The following CEP290 variants were observed in gnomAD, a reference collection of about 807,000 sequenced individuals.
CEP290 encodes the protein centrosomal protein 290, also known as centrosomal protein of 290 kDa.
Under a neutral mutation model 344.9 loss-of-function variants are expected in CEP290, and 317 were observed. The observed-to-expected ratio is 0.92, with a 90% confidence interval of 0.84 to 1.01. CEP290 has a LOEUF of 1.01. Ranked by LOEUF, CEP290 falls within the 50% of genes least tolerant of loss-of-function variation. The pLI is 0.00. For missense variants in CEP290, 2,754 were observed against 2,761.4 expected (o/e 1.00, Z 0.06); for synonymous variants, 932 against 895.8 (o/e 1.04, Z -0.72).
intron 15 of CEP290, among the ~76,000 whole-genome samples, chr12:88,119,095 G>A (rs1165346572): frequency 7.2e-6 from 1 of 138,944 alleles, no homozygotes; most frequent in Non-Finnish European, 1.5e-5. Flanking sequence ...TTGATCAGAA[G>A]GCTGTGATCT....
At chr12:88,079,553 T>C (rs903079225) in intron 38 of CEP290, among the ~76,000 whole-genome samples, 3 of 152,220 alleles carry the variant, frequency 2.0e-5, no homozygotes, top group Middle Eastern at 3.4e-3. Flanking sequence ...TATTACTCAC[T>C]TACTACATCC....
At chr12:88,087,552 C>A (rs1234960515) in intron 32 of CEP290, among the ~76,000 whole-genome samples, 1 of 151,622 alleles carries the variant, frequency 6.6e-6, no homozygotes, top group African/African-American at 2.4e-5. Flanking sequence ...AACCCCGTCT[C>A]TACTAAAAAT....
chr12:88,075,285 A>G (rs1368595142), intron 41 of CEP290, among the ~76,000 whole-genome samples: 1 of 22,120 alleles, frequency 4.5e-5, no homozygotes, highest in African/African-American at 8.9e-5. Context: ...CTTTTTCCAA[A>G]ACAGGTTATG....
At chr12:88,066,717 A>G (rs1035716867) in intron 44 of CEP290, among the ~76,000 whole-genome samples, 4 of 151,992 alleles carry the variant, frequency 2.6e-5, no homozygotes, top group African/African-American at 4.8e-5. Context: ...GGGCAATGTA[A>G]CATCAAACTC....
Position 88,084,321 on chromosome 12 carries a change from TA to T in CEP290, c.4704+264del, listed in dbSNP as rs5799853. 0.78 allele frequency among the ~76,000 whole-genome samples: 118,693 copies of T among 152,042 alleles called. 50,395 individuals carry two copies. The highest frequency in any genetic ancestry group is 0.96 in the East Asian group (4,988 of 5,170). On this transcript the variant is annotated intron_variant, in intron 35 of 53. Coordinates refer to ENST00000552810, the MANE Select transcript of CEP290 (RefSeq NM_025114.4). The stretch of plus-strand genomic sequence containing the variant: ...ACCCTATTGCCTCAATCCTCACCTA[TA>T]AACTCAATTAAAATATTTTTCAAAA...
chr12:88,102,812 A>C (rs754743183), intron 26 of CEP290, 26 bp downstream of exon 26: 1 of 1,577,966 alleles, frequency 6.3e-7, no homozygotes, highest in Non-Finnish European at 8.6e-7. Flanking sequence ...CTAATTTCAC[A>C]AGGTTCAAGA....
rs1481285043 is a variant in CEP290, at chr12:88,133,072, G to T, written c.442-1854C>A. Reference sequence around the variant, plus strand: ...CTGCAAAGGACATGATCTTGTTCCGGTTTTTTTTTTTTTTTTTTTTTGAGA... The same window carrying T: ...CTGCAAAGGACATGATCTTGTTCCGTTTTTTTTTTTTTTTTTTTTTTGAGA... On this transcript the variant is annotated intron_variant, in intron 6 of 53. Coordinates refer to ENST00000552810, the MANE Select transcript of CEP290 (RefSeq NM_025114.4). Among the ~76,000 whole-genome samples the T allele has an allele frequency of 8.2e-3, 1,063 of 129,006 alleles. 17 individuals are homozygous for T. Among genetic ancestry groups the T allele is most frequent in the African/African-American group, 0.029 (1,011 of 34,660 alleles). 84.6% of individuals were successfully genotyped at this position (129,006 alleles called of 152,430 possible).
At chr12:88,086,523 G>T in intron 32 of CEP290, 25 bp from the exon 33 acceptor site, 1 of 1,522,220 alleles carries the variant, frequency 6.6e-7, no homozygotes, top group Non-Finnish European at 9.0e-7. Flanking sequence ...ATTTGTGTCA[G>T]ACACATACAC....
chr12:88,065,040 C>T (rs555833482), intron 44 of CEP290, among the ~76,000 whole-genome samples: 33 of 152,030 alleles, frequency 2.2e-4, no homozygotes, highest in Admixed American at 7.2e-4. Context: ...GTTGTTACTT[C>T]TCATTCTAAA....
chr12:88,072,040 T>C (rs976234098), intron 41 of CEP290, 114 bp from the exon 42 acceptor site: 1 of 941,756 alleles, frequency 1.1e-6, no homozygotes, highest in Non-Finnish European at 1.5e-6. Context: ...TCCTAGAGAA[T>C]ATGTAAATAT....
intron 12 of CEP290, 100 bp from the exon 13 acceptor site, chr12:88,125,469 C>A: frequency 2.0e-6 from 1 of 504,666 alleles, no homozygotes; most frequent in Non-Finnish European, 3.1e-6. Context: ...GACTGTAGAA[C>A]ATATTTTCTT....
In CEP290 at chr12:88,071,292, A is replaced by G; in HGVS notation, c.6011+2T>C. 6.3e-7 allele frequency: 1 copy of G among 1,596,862 alleles called. No individual in the cohort carries two copies. On this transcript the variant is annotated splice_donor_variant, in intron 43 of 53. Transcript: ENST00000552810. LOFTEE classifies it high-confidence loss of function. ...GTGGCACATTTCCACATAATAGCTT[A>G]CCTCATATACAATATATCATTTTCT...
Position 88,084,627 on chromosome 12 carries a change from C to A in CEP290, c.4663G>T (p.Val1555Leu). 6.2e-7 allele frequency: 1 copy of A among 1,612,774 alleles called. No individual in the cohort carries two copies. Among genetic ancestry groups the A allele is most frequent in the East Asian group, 2.2e-5 (1 of 44,836 alleles). Residue 1555 changes from valine to leucine, a missense_variant, in exon 35 of 54, where the codon GTA becomes TTA. Coordinates refer to ENST00000552810, the MANE Select transcript of CEP290 (RefSeq NM_025114.4). ...MQARLNQKEE[V>L]LKKYQRLLEK... is the part of the protein sequence containing the mutation. Reference sequence around the variant, plus strand: ...AGAAGACGTTGATACTTCTTTAATACTTCTTCTTTTTGATTTAACCTTGCT... The same window carrying A: ...AGAAGACGTTGATACTTCTTTAATAATTCTTCTTTTTGATTTAACCTTGCT...
intron 7 of CEP290, 140 bp from the exon 8 acceptor site, chr12:88,130,705 T>C: frequency 1.8e-6 from 1 of 563,344 alleles, no homozygotes; most frequent in Non-Finnish European, 2.9e-6. Flanking sequence ...GAAAGAATAC[T>C]AATTATCTAC....
Position 88,059,925 on chromosome 12 carries a change from A to AT in CEP290, c.6617dup (p.Asn2206LysfsTer2). 6.3e-7 allele frequency: 1 copy of AT among 1,594,620 alleles called. No homozygotes were observed. Among genetic ancestry groups the AT allele is most frequent in the Non-Finnish European group, 8.5e-7 (1 of 1,170,774 alleles). On this transcript the variant is annotated frameshift_variant, in exon 48 of 54. Coordinates refer to ENST00000552810, the MANE Select transcript of CEP290 (RefSeq NM_025114.4). LOFTEE classifies it high-confidence loss of function. ...TTTTAAGTTCTTTACGAAGCCTTTC[A>AT]TTTTCAGCAATAATTTTTTCTGTGC...
rs781449183 is a variant in CEP290 at position 88,071,429 on chromosome 12, G to A, written c.5876C>T (p.Thr1959Ile). 1.9e-6 allele frequency: 3 copies of A among 1,608,326 alleles called. No homozygotes were observed. In the South Asian group the frequency reaches 3.4e-5, roughly 18 times the overall value. The change falls in exon 43 of 54, where the codon ACT becomes ATT. Residue 1959 changes from threonine to isoleucine, a missense_variant. By Grantham distance (89) the Thr-to-Ile change is moderately conservative. Transcript: ENST00000552810. The stretch of plus-strand genomic sequence containing the variant: ...AGTTGTTTTTAGTTTCCTCTGCAAA[G>A]TAAGTTTCTCTTTATCGGCTCTGTG... ...LFAKADKEKL[T>I]LQRKLKTTGM...
chr12:88,090,045 T>C (rs1374840829), intron 30 of CEP290, among the ~76,000 whole-genome samples: 1 of 152,060 alleles, frequency 6.6e-6, no homozygotes, highest in African/African-American at 2.4e-5. Flanking sequence ...TTTTTTAACC[T>C]CCATTGCAAG....
intron 13 of CEP290, among the ~76,000 whole-genome samples, chr12:88,123,997 C>T (rs1450749791): frequency 2.6e-5 from 4 of 152,074 alleles, no homozygotes; most frequent in Non-Finnish European, 4.4e-5. Flanking sequence ...ACTGCTGCAT[C>T]CAGTAACTCC....
Position 88,092,785 on chromosome 12 carries a change from T to C in CEP290, c.3357A>G (p.Arg1119=). 6.2e-7 allele frequency: 1 copy of C among 1,610,998 alleles called. No individual in the cohort carries two copies. Among genetic ancestry groups the C allele is most frequent in the Non-Finnish European group, 8.5e-7 (1 of 1,178,694 alleles). ...TGCTCACACTATCAGCTAATTCATCTCTTAACATCTGTTCCACCTTCTGTG... is the reference window on the plus strand; with the variant it reads ...TGCTCACACTATCAGCTAATTCATCCCTTAACATCTGTTCCACCTTCTGTG... ...LDAQKVEQML[R]DELADSVSKA... The change falls in exon 29 of 54, where the codon AGA becomes AGG. Residue 1119 remains arginine (R), a synonymous_variant. Transcript: ENST00000552810.
Sources: allele counts gnomAD v4.1 joint callset (sites outside exome capture counted in the v4.1 genomes callset), GRCh38; gene constraint gnomAD v4.1.1; transcripts MANE v1.5; gene names NCBI Gene and HGNC (gene_info 2026-07-23, HGNC 2026-07-21).